Variants in ASIC2 observed in about 807,000 individuals in gnomAD.
ASIC2 encodes the protein acid-sensing ion channel 2.
Under a neutral mutation model 57.3 loss-of-function variants are expected in ASIC2, and 25 were observed. The observed-to-expected ratio is 0.44, with a 90% CI of 0.32 to 0.61. The LOEUF is 0.61. ASIC2 is among the 20% of genes least tolerant of loss of function. The pLI, the probability that ASIC2 is intolerant of heterozygous loss-of-function variation, is 0.06. For missense variants in ASIC2, 641 were observed against 738.1 expected (o/e 0.87, Z 1.52); for synonymous variants, 319 against 307.5 (o/e 1.04, Z -0.39).
chr17:33,196,336 G>C (rs118084614), intron 1 of ASIC2, among the ~76,000 whole-genome samples: 164 of 152,224 alleles, frequency 1.1e-3, no homozygotes, highest in Non-Finnish European at 2.0e-3. Context: ...TGATGATGAT[G>C]ATGATGATGA....
At chr17:34,023,378 A>C (rs200727087) in intron 1 of ASIC2, among the ~76,000 whole-genome samples, 3 of 147,600 alleles carry the variant, frequency 2.0e-5, no homozygotes, top group African/African-American at 5.0e-5. Context: ...CTCTGTCACA[A>C]ACACACACAC....
At chr17:33,352,422 A>C (rs898952056) in intron 1 of ASIC2, among the ~76,000 whole-genome samples, 1 of 152,068 alleles carries the variant, frequency 6.6e-6, no homozygotes, top group African/African-American at 2.4e-5. Context: ...GGCCCTTCTT[A>C]CCTTGTGCTT....
At chr17:33,155,105 C>G (rs1021352591) in intron 1 of ASIC2, among the ~76,000 whole-genome samples, 2 of 152,236 alleles carry the variant, frequency 1.3e-5, no homozygotes, top group Non-Finnish European at 2.9e-5. Context: ...TTCCAATCAA[C>G]ATAGAGAGCC....
intron 1 of ASIC2, among the ~76,000 whole-genome samples, chr17:33,807,025 G>T (rs1422254082): frequency 6.6e-6 from 1 of 152,200 alleles, no homozygotes; most frequent in African/African-American, 2.4e-5. Context: ...CCACACATCT[G>T]CTTTGTCATT....
At chr17:33,313,557 G>A (rs115578320) in intron 1 of ASIC2, among the ~76,000 whole-genome samples, 2,791 of 150,364 alleles carry the variant, frequency 0.019, 83 homozygotes, top group African/African-American at 0.064. Flanking sequence ...CAGGAATGTG[G>A]ACTTTATCAT....
chr17:33,651,493 G>A (rs995624019), intron 1 of ASIC2, among the ~76,000 whole-genome samples: 1 of 152,196 alleles, frequency 6.6e-6, no homozygotes, highest in Non-Finnish European at 1.5e-5. Flanking sequence ...AAGCTGCCCT[G>A]CGAGTGCTGT....
chr17:33,178,831 T>C (rs1208765351), intron 1 of ASIC2, among the ~76,000 whole-genome samples: 1 of 152,236 alleles, frequency 6.6e-6, no homozygotes, highest in Non-Finnish European at 1.5e-5. Flanking sequence ...GCTGGCTTAC[T>C]GCCAAATAGG....
At chr17:33,173,207 C>T (rs1905596281) in intron 1 of ASIC2, among the ~76,000 whole-genome samples, 1 of 152,100 alleles carries the variant, frequency 6.6e-6, no homozygotes. Context: ...TGAGGGGGAT[C>T]CAGGTTTGGG....
intron 1 of ASIC2, among the ~76,000 whole-genome samples, chr17:33,219,362 T>C (rs1041654147): frequency 6.6e-6 from 1 of 152,202 alleles, no homozygotes; most frequent in African/African-American, 2.4e-5. Flanking sequence ...GATGACCTGA[T>C]GAAGTAATAC....
chr17:33,934,250 C>G (rs368893531), intron 1 of ASIC2, among the ~76,000 whole-genome samples: 6 of 152,318 alleles, frequency 3.9e-5, no homozygotes, highest in African/African-American at 1.4e-4. Flanking sequence ...GGCTGATTCT[C>G]TGAGGCCACA....
chr17:33,788,697 T>C (rs999938041), intron 1 of ASIC2, among the ~76,000 whole-genome samples: 3 of 152,184 alleles, frequency 2.0e-5, no homozygotes, highest in Middle Eastern at 3.2e-3. Flanking sequence ...GTGGTACATA[T>C]ACACCATGGA....
chr17:33,244,572 T>C (rs1206906468), intron 1 of ASIC2, among the ~76,000 whole-genome samples: 1 of 152,214 alleles, frequency 6.6e-6, no homozygotes, highest in African/African-American at 2.4e-5. Flanking sequence ...TCAGCTTTGG[T>C]AACAAAGGCA....
intron 1 of ASIC2, among the ~76,000 whole-genome samples, chr17:33,360,286 C>T (rs906361501): frequency 5.9e-5 from 9 of 152,258 alleles, no homozygotes; most frequent in Non-Finnish European, 1.2e-4. Flanking sequence ...CTTGCAAGAA[C>T]GGCAACTGTA....
chr17:33,827,337 C>CTTATTTTTTTTTTTTTTTTT (rs1912954396), intron 1 of ASIC2, among the ~76,000 whole-genome samples: 1 of 76,536 alleles, frequency 1.3e-5, no homozygotes, highest in Non-Finnish European at 2.6e-5. Context: ...GCAGCTCACT[C>CTTATTTTTTTTTTTTTTTTT]TTTTTTTTTT....
At chr17:33,531,173 CT>C (rs1195989740) in intron 1 of ASIC2, among the ~76,000 whole-genome samples, 1 of 152,138 alleles carries the variant, frequency 6.6e-6, no homozygotes, top group African/African-American at 2.4e-5. Flanking sequence ...CAGGCATGGC[CT>C]CCTGGACCTT....
intron 1 of ASIC2, among the ~76,000 whole-genome samples, chr17:33,196,018 C>T (rs944523557): frequency 6.6e-6 from 1 of 152,190 alleles, no homozygotes; most frequent in African/African-American, 2.4e-5. Flanking sequence ...TAAGATTGTG[C>T]TGTGTGCCGG....
chr17:33,963,272 G>A lies in ASIC2; in HGVS notation c.555+192706C>T, dbSNP rs78288968. On this transcript the variant is annotated intron_variant, in intron 1 of 9. Coordinates refer to the ASIC2 transcript ENST00000359872. ...AGTCCACTGCTCTCTACGTTGCATC[G>A]CTGTTTTCTGGGTGCATCAGGTCCC... Among the ~76,000 whole-genome samples, 814 of 152,176 alleles carry A rather than the reference G, an allele frequency of 5.3e-3. 17 individuals carry two copies. The South Asian group carries it at 0.056, about 10-fold the overall frequency.
chr17:34,039,924 C>T (rs1036826787), intron 1 of ASIC2: 2 of 1,468,290 alleles, frequency 1.4e-6, no homozygotes, highest in African/African-American at 2.8e-5. Flanking sequence ...TGGAGGGACC[C>T]CGACCCGACC....
chr17:33,482,779 C>G (rs1913448562), intron 1 of ASIC2, among the ~76,000 whole-genome samples: 1 of 152,236 alleles, frequency 6.6e-6, no homozygotes, highest in Non-Finnish European at 1.5e-5. Context: ...GCCAACCTTC[C>G]CAGGCAGGCC....
Sources: allele counts gnomAD v4.1 joint callset (sites outside exome capture counted in the v4.1 genomes callset), GRCh38; gene constraint gnomAD v4.1.1; transcripts MANE v1.5; gene names NCBI Gene and HGNC (gene_info 2026-07-23, HGNC 2026-07-21).